The following HELZ variants were observed in gnomAD, a reference collection of about 807,000 sequenced individuals.
The protein encoded by HELZ is helicase with zinc finger.
A neutral mutation model predicts 218.2 loss-of-function variants in HELZ; 23 were observed. The ratio of observed to expected loss-of-function variants is 0.11; its 90% confidence interval spans 0.08 to 0.15. The LOEUF (loss-of-function observed/expected upper bound fraction) is 0.15, where lower values mean the gene tolerates loss of function less well. Among genes scored for constraint, HELZ ranks in the 10% least tolerant of loss-of-function variants. HELZ has a pLI of 1.00. For missense variants in HELZ, 1,813 were observed against 2,353.7 expected (o/e 0.77, Z 4.75); for synonymous variants, 814 against 829.4 (o/e 0.98, Z 0.32).
intron 23 of HELZ, 118 bp downstream of exon 23, chr17:67,135,852 T>C (rs1269475248): frequency 8.1e-6 from 6 of 739,902 alleles, no homozygotes; most frequent in Non-Finnish European, 1.3e-5. Context: ...CCACTGGATA[T>C]CAGGCTACAA....
chr17:67,084,961 C>T (rs757773366), intron 32 of HELZ, among the ~76,000 whole-genome samples: 2 of 152,172 alleles, frequency 1.3e-5, no homozygotes, highest in Non-Finnish European at 2.9e-5. Context: ...CACAAATTAG[C>T]TGGGCATGGT....
Position 67,128,875 on chromosome 17 carries a change from G to A in HELZ, c.3183-20C>T. The A allele has an allele frequency of 5.1e-6, 8 of 1,561,978 alleles. No homozygotes were observed. Among genetic ancestry groups the A allele is most frequent in the Non-Finnish European group, 7.1e-6 (8 of 1,133,100 alleles). Reference sequence around the variant, plus strand: ...AATTTCCTACAGAAAAGATTTACAAGATCAGATTACAATTCAATGGATGAG... The same window carrying A: ...AATTTCCTACAGAAAAGATTTACAAAATCAGATTACAATTCAATGGATGAG... On this transcript the variant is annotated intron_variant, in intron 23 of 32. Coordinates refer to ENST00000358691, the MANE Select transcript of HELZ (RefSeq NM_014877.4).
intron 17 of HELZ, among the ~76,000 whole-genome samples, chr17:67,159,086 T>C (rs144849483): frequency 0.011 from 1,648 of 152,306 alleles, 20 homozygotes; most frequent in South Asian, 0.018. Context: ...AGAACACCTA[T>C]AGCAAAAATG....
chr17:67,096,403 T>C (rs557091241), intron 31 of HELZ, among the ~76,000 whole-genome samples: 1 of 152,344 alleles, frequency 6.6e-6, no homozygotes, highest in South Asian at 2.1e-4. Context: ...AAGCCAGGTA[T>C]TGACTTCTTC....
At chr17:67,082,456 T>G (rs1388612613) in intron 32 of HELZ, among the ~76,000 whole-genome samples, 1 of 152,246 alleles carries the variant, frequency 6.6e-6, no homozygotes, top group Non-Finnish European at 1.5e-5. Context: ...GCAATACAGC[T>G]GTCCAATATA....
intron 3 of HELZ, among the ~76,000 whole-genome samples, chr17:67,230,496 C>T (rs1397874445): frequency 6.7e-6 from 1 of 149,080 alleles, no homozygotes; most frequent in African/African-American, 2.5e-5. Context: ...ACTTGGGAAG[C>T]TGAGGCAGGA....
At chr17:67,137,180 C>T in intron 22 of HELZ, among the ~76,000 whole-genome samples, 1 of 152,150 alleles carries the variant, frequency 6.6e-6, no homozygotes, top group African/African-American at 2.4e-5. Context: ...TATTCCCTCA[C>T]CCTATGACAA....
chr17:67,185,243 T>C (rs1034571941), intron 12 of HELZ, among the ~76,000 whole-genome samples: 1 of 152,232 alleles, frequency 6.6e-6, no homozygotes, highest in Non-Finnish European at 1.5e-5. Flanking sequence ...AAAATTGTAA[T>C]TTCACATAAA....
intron 20 of HELZ, among the ~76,000 whole-genome samples, chr17:67,148,151 G>C (rs1026019997): frequency 6.6e-6 from 1 of 152,160 alleles, no homozygotes; most frequent in Non-Finnish European, 1.5e-5. Flanking sequence ...GGCCGGGAGG[G>C]GGGCAGTCTT....
intron 31 of HELZ, among the ~76,000 whole-genome samples, chr17:67,106,822 A>G (rs981273195): frequency 6.6e-6 from 1 of 152,222 alleles, no homozygotes; most frequent in Non-Finnish European, 1.5e-5. Context: ...CTCATTAACA[A>G]ATTTATAATT....
chr17:67,241,307 T>A (rs1177404291), intron 2 of HELZ, among the ~76,000 whole-genome samples: 2 of 152,228 alleles, frequency 1.3e-5, no homozygotes, highest in African/African-American at 4.8e-5. Flanking sequence ...GCCCGAAATC[T>A]TCTATACATT....
Position 67,070,913 on chromosome 17 carries a change from T to A in HELZ, c.*7339A>T, listed in dbSNP as rs1371892588. On this transcript the variant is annotated 3_prime_UTR_variant, in exon 33 of 33. Transcript: ENST00000358691. ...AGACTTCCCAAAATAAGACTCAGTA[T>A]GAATTTGCTAAGTAACTGATCTATG... 3 of 152,182 alleles carry A rather than the reference T, an allele frequency of 2.0e-5. No individual in the cohort carries two copies. Among genetic ancestry groups the A allele is most frequent in the Admixed American group, 6.5e-5 (1 of 15,280 alleles). 9.4% of individuals were successfully genotyped at this position (152,182 alleles called of 1,614,324 possible).
chr17:67,160,450 T>G, intron 16 of HELZ, 88 bp from the exon 17 acceptor site: 19 of 816,614 alleles, frequency 2.3e-5, no homozygotes, highest in Non-Finnish European at 3.4e-5. Context: ...GCAGTGGCCA[T>G]CCTAATATTA....
intron 31 of HELZ, among the ~76,000 whole-genome samples, chr17:67,094,321 T>TG (rs1271328921): frequency 7.6e-6 from 1 of 132,192 alleles, no homozygotes; most frequent in African/African-American, 3.5e-5. Flanking sequence ...GACCTGGTCT[T>TG]GAAAAAAAAA....
chr17:67,199,286 C>T (rs911167946), intron 7 of HELZ, among the ~76,000 whole-genome samples: 3 of 148,532 alleles, frequency 2.0e-5, no homozygotes, highest in Non-Finnish European at 4.4e-5. Context: ...AATCTCAGCT[C>T]ACTGCAACTT....
chr17:67,219,706 A>G (rs1207361205), intron 3 of HELZ, among the ~76,000 whole-genome samples: 1 of 152,228 alleles, frequency 6.6e-6, no homozygotes, highest in Non-Finnish European at 1.5e-5. Context: ...GAACACGATG[A>G]AATTTTTTAA....
intron 12 of HELZ, among the ~76,000 whole-genome samples, chr17:67,183,848 CCAA>C (rs1259690911): frequency 6.6e-6 from 1 of 151,618 alleles, no homozygotes; most frequent in Non-Finnish European, 1.5e-5. Flanking sequence ...CCGAATCTCC[CCAA>C]CAAGGGAAAA....
rs558601328 is a variant in HELZ, at chr17:67,098,713, C to T, written c.5241+8456G>A. ...GAGCCGAGACTGCACCACTGCACTC[C>T]GGCCTGGGTGACAGAGCGAGACTCC... On this transcript the variant is annotated intron_variant, in intron 31 of 32. Coordinates refer to ENST00000358691, the MANE Select transcript of HELZ (RefSeq NM_014877.4). Among the ~76,000 whole-genome samples, 198 of 152,232 alleles carry T rather than the reference C, an allele frequency of 1.3e-3. 1 individual carries two copies. Among genetic ancestry groups the T allele is most frequent in the Non-Finnish European group, 2.3e-3 (156 of 68,004 alleles).
chr17:67,189,535 A>C (rs1220109528), intron 11 of HELZ, 54 bp downstream of exon 11: 3 of 1,138,034 alleles, frequency 2.6e-6, no homozygotes, highest in East Asian at 4.7e-5. Flanking sequence ...GGTCAAAAAA[A>C]CGTTCAGAAA....
Sources: gnomAD v4.1 joint callset for allele counts (sites outside exome capture counted in the v4.1 genomes callset) on GRCh38, gnomAD v4.1.1 for gene constraint, MANE v1.5 for transcripts, NCBI Gene and HGNC (gene_info 2026-07-23, HGNC 2026-07-21) for gene names.